SLIT2: variants seen among roughly 807,000 people sequenced by gnomAD.
SLIT2 encodes the protein slit homolog 2 protein.
A neutral mutation model predicts 185.7 loss-of-function variants in SLIT2; 41 were observed. The ratio of observed to expected loss-of-function variants is 0.22; its 90% confidence interval spans 0.17 to 0.29. The LOEUF (loss-of-function observed/expected upper bound fraction) is 0.29. SLIT2 is among the 10% of genes least tolerant of loss of function. SLIT2 has a pLI of 1.00. For synonymous variants in SLIT2, 693 were observed against 680.2 expected (o/e 1.02, Z -0.29); for missense variants, 1,571 against 1,909.0 (o/e 0.82, Z 3.30).
At chr4:20,474,666 A>AT (rs1261770593) in intron 5 of SLIT2, among the ~76,000 whole-genome samples, 1 of 151,892 alleles carries the variant, frequency 6.6e-6, no homozygotes, top group African/African-American at 2.4e-5. Context: ...TGGACCTTTG[A>AT]TTTTTTGCAT....
intron 5 of SLIT2, among the ~76,000 whole-genome samples, chr4:20,472,238 C>CTATATA (rs1553908231): frequency 2.7e-5 from 1 of 37,370 alleles, no homozygotes; most frequent in Non-Finnish European, 4.9e-5. Context: ...ATATATAGAT[C>CTATATA]TATATATCTA....
At chr4:20,510,825 G>A (rs1719631277) in intron 10 of SLIT2, among the ~76,000 whole-genome samples, 1 of 152,142 alleles carries the variant, frequency 6.6e-6, no homozygotes, top group Admixed American at 6.5e-5. Flanking sequence ...ATGAACATAT[G>A]TTCAGGTGTT....
chr4:20,486,123 T>C, intron 6 of SLIT2, 77 bp from the exon 7 acceptor site: 1 of 888,222 alleles, frequency 1.1e-6, no homozygotes, highest in Non-Finnish European at 1.9e-6. Flanking sequence ...GTACAAGACG[T>C]TTTCTCTATG....
rs756684961 is a variant in SLIT2 at position 20,539,553 on chromosome 4, G to A, written c.1945G>A (p.Ala649Thr). Residue 649 changes from alanine to threonine, a missense_variant, in exon 19 of 37, where the codon GCA becomes ACA. Physicochemically the swap from Ala to Thr is moderately conservative, Grantham distance 58. This residue lies in a region of SLIT2 where 1,202 missense variants were observed against 1,416.4 expected (regional missense o/e 0.85). Transcript: ENST00000504154. ...TCAAATTACTACAGTTGCACCAGGG[G>A]CATTTGATACTCTCCATTCTTTATC... ...DNQITTVAPG[A>T]FDTLHSLSTL... 1.2e-6 allele frequency: 2 copies of A among 1,612,056 alleles called. No individual in the cohort carries two copies. The highest frequency in any genetic ancestry group is 1.1e-5 in the South Asian group (1 of 90,972).
intron 4 of SLIT2, among the ~76,000 whole-genome samples, chr4:20,379,882 A>C (rs1724351615): frequency 6.6e-6 from 1 of 152,130 alleles, no homozygotes; most frequent in South Asian, 2.1e-4. Flanking sequence ...TTTAAATAGA[A>C]GAGAAAGACT....
chr4:20,348,064 A>G (rs988820087), intron 4 of SLIT2, among the ~76,000 whole-genome samples: 2 of 152,208 alleles, frequency 1.3e-5, no homozygotes, highest in Non-Finnish European at 1.5e-5. Context: ...GTGTGTACCA[A>G]CACCGTACCA....
At chr4:20,596,110 CA>C (rs972146382) in intron 31 of SLIT2, among the ~76,000 whole-genome samples, 4 of 151,878 alleles carry the variant, frequency 2.6e-5, no homozygotes, top group African/African-American at 9.7e-5. Flanking sequence ...AATTTTAAGA[CA>C]AAAAACGTAG....
chr4:20,594,446 C>G (rs1332926433), intron 30 of SLIT2, among the ~76,000 whole-genome samples: 2 of 151,728 alleles, frequency 1.3e-5, no homozygotes, highest in Non-Finnish European at 2.9e-5. Flanking sequence ...AAACTCAAAT[C>G]AAAAACACTC....
At chr4:20,472,998 A>G (rs1301062648) in intron 5 of SLIT2, among the ~76,000 whole-genome samples, 3 of 151,840 alleles carry the variant, frequency 2.0e-5, no homozygotes, top group Non-Finnish European at 2.9e-5. Context: ...CATCACAAAA[A>G]CAAAATCTAA....
At chr4:20,463,549 A>C in intron 4 of SLIT2, among the ~76,000 whole-genome samples, 1 of 110,210 alleles carries the variant, frequency 9.1e-6, no homozygotes, top group South Asian at 3.0e-4. Flanking sequence ...GTGTGTGTAT[A>C]TGTATATCTC....
chr4:20,446,093 C>T (rs1711764664), intron 4 of SLIT2, among the ~76,000 whole-genome samples: 1 of 152,144 alleles, frequency 6.6e-6, no homozygotes, highest in Non-Finnish European at 1.5e-5. Context: ...TAAGCACACC[C>T]TTGCCCCCTT....
chr4:20,393,618 G>T (rs965107930), intron 4 of SLIT2: 1 of 151,968 alleles, frequency 6.6e-6, no homozygotes. Flanking sequence ...CATGTATTAC[G>T]TGCATGTGTA....
Position 20,371,849 on chromosome 4 carries a change from CT to C in SLIT2, c.396-95893del, listed in dbSNP as rs560125249. Among the ~76,000 whole-genome samples the C allele has an allele frequency of 1.7e-3, 251 of 148,668 alleles. 1 individual carries two copies. Among genetic ancestry groups the C allele is most frequent in the Non-Finnish European group, 2.6e-3 (171 of 66,866 alleles). ...CAGCCAAAAATACTGTACTCTTGTA[CT>C]TTTTTTTTTAATTTGGTGATTATCC... On this transcript the variant is annotated intron_variant, in intron 4 of 36. Transcript: ENST00000504154.
intron 4 of SLIT2, chr4:20,393,753 CA>C (rs1361435913): frequency 6.6e-6 from 1 of 152,032 alleles, no homozygotes; most frequent in Non-Finnish European, 1.5e-5. Flanking sequence ...GAGCTTCCTA[CA>C]TAAGAGGATG....
chr4:20,401,128 A>G (rs1408149733), intron 4 of SLIT2, among the ~76,000 whole-genome samples: 3 of 151,856 alleles, frequency 2.0e-5, no homozygotes, highest in Admixed American at 1.3e-4. Flanking sequence ...TCTTCTGACT[A>G]AGGATAGAAT....
chr4:20,258,898 G>A (rs994783794), intron 3 of SLIT2, among the ~76,000 whole-genome samples: 1 of 151,588 alleles, frequency 6.6e-6, no homozygotes, highest in Non-Finnish European at 1.5e-5. Context: ...TTCATTTTAA[G>A]CTTAACACAT....
chr4:20,320,404 T>C (rs1285642375), intron 4 of SLIT2, among the ~76,000 whole-genome samples: 1 of 152,174 alleles, frequency 6.6e-6, no homozygotes, highest in South Asian at 2.1e-4. Flanking sequence ...TACACTGTGT[T>C]ATCTAAGTTA....
intron 11 of SLIT2, among the ~76,000 whole-genome samples, chr4:20,516,658 A>G (rs922074987): frequency 1.3e-5 from 2 of 151,956 alleles, no homozygotes; most frequent in Non-Finnish European, 2.9e-5. Flanking sequence ...CAACTTCTCT[A>G]TCCTGGTCTT....
intron 5 of SLIT2, among the ~76,000 whole-genome samples, chr4:20,469,620 A>G (rs1228798385): frequency 1.3e-5 from 2 of 152,018 alleles, no homozygotes; most frequent in African/African-American, 4.8e-5. Flanking sequence ...TCATTTATGC[A>G]GTTAGATGAG....
Sources: allele counts gnomAD v4.1 joint callset (sites outside exome capture counted in the v4.1 genomes callset), GRCh38; gene constraint gnomAD v4.1.1; regional missense constraint gnomAD v4.1.1; transcripts MANE v1.5; gene names NCBI Gene and HGNC (gene_info 2026-07-23, HGNC 2026-07-21).